CPNE5: variants seen among roughly 807,000 people sequenced by gnomAD.
CPNE5 encodes the protein copine 5.
CPNE5 carries 42 observed loss-of-function variants against 81.1 expected under a neutral mutation model. The ratio of observed to expected loss-of-function variants is 0.52; its 90% CI spans 0.40 to 0.67. The LOEUF (loss-of-function observed/expected upper bound fraction) is 0.67, where lower values mean the gene tolerates loss of function less well. CPNE5 is among the 30% of genes least tolerant of loss of function. CPNE5 has a pLI of 0.00. For missense variants in CPNE5, 612 were observed against 815.5 expected (o/e 0.75, Z 3.04); for synonymous variants, 313 against 321.5 (o/e 0.97, Z 0.28).
chr6:36,831,417 A>G (rs1449697432), intron 1 of CPNE5, among the ~76,000 whole-genome samples: 2 of 151,570 alleles, frequency 1.3e-5, no homozygotes, highest in Non-Finnish European at 2.9e-5. Context: ...GCAGTGGTAC[A>G]ATATCAGCTC....
chr6:36,779,512 G>T (rs1767833359), intron 8 of CPNE5, among the ~76,000 whole-genome samples: 1 of 152,186 alleles, frequency 6.6e-6, no homozygotes, highest in African/African-American at 2.4e-5. Context: ...GTTCCTGGAG[G>T]AAGTTCGAGT....
chr6:36,775,070 TGAA>T lies in CPNE5; in HGVS notation c.633-8_633-6del, dbSNP rs779830386. The T allele has an allele frequency of 7.4e-6, 12 of 1,612,236 alleles. No individual in the cohort carries two copies. Among genetic ancestry groups the T allele is most frequent in the African/African-American group, 4.0e-5 (3 of 74,836 alleles). On this transcript the variant is annotated splice_region_variant and splice_polypyrimidine_tract_variant and intron_variant, in intron 9 of 20. Coordinates refer to ENST00000244751, the MANE Select transcript of CPNE5 (RefSeq NM_020939.2). ...GTCTTGTGGCAAATGGTGAACCTGG[TGAA>T]GAAGAAGAGAGGGAAAGGCTGTCAG...
chr6:36,752,465 C>T (rs59800485), intron 14 of CPNE5: 10,340 of 152,446 alleles, frequency 0.068, 435 homozygotes, highest in Middle Eastern at 0.12. Context: ...TCCCCAATCC[C>T]GCTGCCCTTA....
chr6:36,802,003 G>A (rs1436510230), intron 3 of CPNE5, among the ~76,000 whole-genome samples: 1 of 151,914 alleles, frequency 6.6e-6, no homozygotes, highest in Admixed American at 6.6e-5. Flanking sequence ...GGCGGATCAC[G>A]AGGTCAAGAG....
At chr6:36,743,216 C>G in intron 20 of CPNE5, 2 of 985,432 alleles carry the variant, frequency 2.0e-6, no homozygotes, top group Non-Finnish European at 2.4e-6. Context: ...CATTCTTCCA[C>G]GTGAGACTGC....
chr6:36,823,013 C>T (rs1307205898), intron 2 of CPNE5, 45 bp downstream of exon 2: 20 of 1,493,596 alleles, frequency 1.3e-5, no homozygotes, highest in African/African-American at 5.6e-5. Context: ...TTAGTCATAG[C>T]GTTGCCGCTA....
At chr6:36,784,961 A>G (rs1382366490) in intron 8 of CPNE5, among the ~76,000 whole-genome samples, 1 of 151,620 alleles carries the variant, frequency 6.6e-6, no homozygotes, top group East Asian at 1.9e-4. Context: ...AAAAAAAAAA[A>G]AGAAAAGAAA....
At chr6:36,764,647 C>G (rs1766379756) in intron 11 of CPNE5, among the ~76,000 whole-genome samples, 1 of 152,144 alleles carries the variant, frequency 6.6e-6, no homozygotes, top group South Asian at 2.1e-4. Flanking sequence ...TTGTCCTCCT[C>G]TATGGATTCC....
intron 9 of CPNE5, among the ~76,000 whole-genome samples, chr6:36,777,753 ACCCCCCC>A (rs35760836): frequency 8.8e-6 from 1 of 113,660 alleles, no homozygotes; most frequent in African/African-American, 3.7e-5. Context: ...TCCCCTGCCT[ACCCCCCC>A]CCCCACCACA....
intron 8 of CPNE5, among the ~76,000 whole-genome samples, chr6:36,785,081 A>G (rs1275554436): frequency 6.6e-6 from 1 of 152,224 alleles, no homozygotes; most frequent in Non-Finnish European, 1.5e-5. Context: ...TTTTTAAAAA[A>G]CATATTAAGT....
intron 15 of CPNE5, among the ~76,000 whole-genome samples, chr6:36,747,065 C>G (rs1231333480): frequency 6.6e-6 from 1 of 152,150 alleles, no homozygotes; most frequent in East Asian, 1.9e-4. Flanking sequence ...ATTCCCACCT[C>G]AGGACCTTGG....
intron 3 of CPNE5, among the ~76,000 whole-genome samples, chr6:36,809,793 G>A (rs547112187): frequency 6.6e-6 from 1 of 151,772 alleles, no homozygotes; most frequent in Non-Finnish European, 1.5e-5. Flanking sequence ...AGCCAGTGGG[G>A]CTCCCAGCGC....
intron 1 of CPNE5, among the ~76,000 whole-genome samples, chr6:36,823,678 C>T (rs1772257415): frequency 6.6e-6 from 1 of 152,178 alleles, no homozygotes. Flanking sequence ...GACGGCACAG[C>T]AGCAAGATGA....
At chr6:36,824,539 CT>C (rs1365239568) in intron 1 of CPNE5, among the ~76,000 whole-genome samples, 3 of 152,230 alleles carry the variant, frequency 2.0e-5, no homozygotes, top group African/African-American at 4.8e-5. Flanking sequence ...ATCTTGTCAC[CT>C]TCCTTCTCTA....
intron 4 of CPNE5, among the ~76,000 whole-genome samples, chr6:36,799,732 C>T (rs907049837): frequency 1.3e-5 from 2 of 152,212 alleles, no homozygotes; most frequent in Non-Finnish European, 2.9e-5. Flanking sequence ...CTGATGCCAT[C>T]CCCAACTTAA....
At chr6:36,821,897 G>A (rs1170470436) in intron 3 of CPNE5, among the ~76,000 whole-genome samples, 1 of 152,220 alleles carries the variant, frequency 6.6e-6, no homozygotes, top group Non-Finnish European at 1.5e-5. Flanking sequence ...TCTCCTCTCA[G>A]ACTGGGGCTG....
intron 3 of CPNE5, among the ~76,000 whole-genome samples, chr6:36,819,233 G>A (rs975606801): frequency 5.3e-5 from 8 of 152,210 alleles, no homozygotes; most frequent in Non-Finnish European, 8.8e-5. Flanking sequence ...CTCCCAAGTA[G>A]CTGGAACTAC....
chr6:36,786,511 C>T (rs940934575), intron 8 of CPNE5, among the ~76,000 whole-genome samples: 1 of 152,150 alleles, frequency 6.6e-6, no homozygotes, highest in African/African-American at 2.4e-5. Flanking sequence ...CCAGACTGAC[C>T]GTTTTCCCTC....
At chr6:36,825,941 G>A (rs958726515) in intron 1 of CPNE5, among the ~76,000 whole-genome samples, 8 of 152,088 alleles carry the variant, frequency 5.3e-5, no homozygotes, top group African/African-American at 1.2e-4. Flanking sequence ...TAAAATCCTC[G>A]AATGTTCAAG....
Sources: gnomAD v4.1 joint callset for allele counts (sites outside exome capture counted in the v4.1 genomes callset) on GRCh38, gnomAD v4.1.1 for gene constraint, MANE v1.5 for transcripts, NCBI Gene and HGNC (gene_info 2026-07-23, HGNC 2026-07-21) for gene names.